The following ARHGEF3 variants were observed in gnomAD, a reference collection of about 807,000 sequenced individuals.
ARHGEF3 encodes Rho guanine nucleotide exchange factor 3.
Under a neutral mutation model 63.2 loss-of-function variants are expected in ARHGEF3, and 28 were observed. The ratio of observed to expected loss-of-function variants is 0.44; its 90% CI spans 0.33 to 0.61. The LOEUF is 0.61. ARHGEF3 is among the 20% of genes least tolerant of loss of function. The probability of loss-of-function intolerance (pLI) is 0.03; values close to 1 mark genes in which losing one functional copy is unlikely to be tolerated. For synonymous variants in ARHGEF3, 266 were observed against 254.2 expected, an observed-to-expected ratio of 1.05 and a Z score of -0.44; for missense variants, 533 against 659.3, an observed-to-expected ratio of 0.81 and a Z score of 2.10.
intron 2 of ARHGEF3, among the ~76,000 whole-genome samples, chr3:56,995,029 G>C (rs1015427903): frequency 3.3e-5 from 5 of 152,088 alleles, no homozygotes; most frequent in Non-Finnish European, 7.4e-5. Flanking sequence ...ATGATTCTAA[G>C]TTTCCTGAGG....
chr3:57,018,278 C>CAAAAAA (rs57400379), intron 2 of ARHGEF3, among the ~76,000 whole-genome samples: 1 of 111,622 alleles, frequency 9.0e-6, no homozygotes, highest in Non-Finnish European at 1.9e-5. Flanking sequence ...GGCTCTGTCA[C>CAAAAAA]AAAAAAAAAA....
Position 56,728,841 on chromosome 3 carries a change from C to T in ARHGEF3, c.*429G>A, listed in dbSNP as rs1291689237. On this transcript the variant is annotated 3_prime_UTR_variant, in exon 10 of 10. Coordinates refer to ENST00000296315, the MANE Select transcript of ARHGEF3 (RefSeq NM_019555.3). ...CATCCCAATACACAGATGAGTTCCTCATGCCCTATTTACAAGGCCGTCTAA... is the reference window on the plus strand; with the variant it reads ...CATCCCAATACACAGATGAGTTCCTTATGCCCTATTTACAAGGCCGTCTAA... The T allele has an allele frequency of 5.7e-6, 1 of 175,776 alleles. No homozygotes were observed. Among genetic ancestry groups the T allele is most frequent in the African/African-American group, 2.4e-5 (1 of 42,034 alleles). 10.9% of individuals were successfully genotyped at this position (175,776 alleles called of 1,614,324 possible).
intron 3 of ARHGEF3, among the ~76,000 whole-genome samples, chr3:56,923,066 ATATATATAT>A (rs2042189293): frequency 6.1e-5 from 2 of 33,032 alleles, no homozygotes; most frequent in Admixed American, 3.0e-4. Context: ...ATATATATAT[ATATATATAT>A]AAATTAGTTG....
At chr3:56,751,488 T>A in intron 4 of ARHGEF3, 92 bp from the exon 5 acceptor site, 1 of 1,019,830 alleles carries the variant, frequency 9.8e-7, no homozygotes. Context: ...TCCTATCCAA[T>A]AACAAAACTT....
At chr3:56,838,585 CAGTT>C (rs1027279594) in intron 4 of ARHGEF3, among the ~76,000 whole-genome samples, 21 of 152,160 alleles carry the variant, frequency 1.4e-4, no homozygotes, top group African/African-American at 5.1e-4. Flanking sequence ...ATCATCTTAA[CAGTT>C]AGCAGCTGCA....
intron 2 of ARHGEF3, among the ~76,000 whole-genome samples, chr3:56,980,658 G>A (rs1701292238): frequency 6.6e-6 from 1 of 152,212 alleles, no homozygotes; most frequent in Non-Finnish European, 1.5e-5. Flanking sequence ...TCTCCTATTA[G>A]CCCATTAGGA....
At chr3:56,898,060 TG>T in intron 3 of ARHGEF3, among the ~76,000 whole-genome samples, 1 of 151,716 alleles carries the variant, frequency 6.6e-6, no homozygotes, top group African/African-American at 2.4e-5. Context: ...TTGTATTTTT[TG>T]TAGAGACGGG....
intron 2 of ARHGEF3, among the ~76,000 whole-genome samples, chr3:57,021,151 A>C (rs1473391499): frequency 2.0e-5 from 3 of 152,104 alleles, no homozygotes; most frequent in Non-Finnish European, 2.9e-5. Flanking sequence ...AAACATAGAC[A>C]CCTGTGGTTC....
At chr3:56,968,073 ATAT>A (rs1700683660) in intron 2 of ARHGEF3, among the ~76,000 whole-genome samples, 1 of 62,772 alleles carries the variant, frequency 1.6e-5, no homozygotes, top group Non-Finnish European at 2.8e-5. Context: ...TATATATAAT[ATAT>A]TATATATTTA....
intron 2 of ARHGEF3, among the ~76,000 whole-genome samples, chr3:57,009,961 G>C (rs1702615816): frequency 6.6e-6 from 1 of 152,178 alleles, no homozygotes; most frequent in Non-Finnish European, 1.5e-5. Context: ...GGCACAGCAA[G>C]GCCATGAACT....
intron 3 of ARHGEF3, among the ~76,000 whole-genome samples, chr3:56,933,323 G>A (rs2042460816): frequency 6.6e-6 from 1 of 151,648 alleles, no homozygotes; most frequent in Admixed American, 6.6e-5. Flanking sequence ...AAGAGCAAAT[G>A]GTCCAGACTC....
chr3:56,933,923 T>G (rs2042479648), intron 3 of ARHGEF3, among the ~76,000 whole-genome samples: 1 of 152,098 alleles, frequency 6.6e-6, no homozygotes, highest in Admixed American at 6.5e-5. Context: ...AGTGAGTGAG[T>G]TCTCACAAGA....
chr3:56,818,625 G>A (rs1227635044), intron 4 of ARHGEF3, among the ~76,000 whole-genome samples: 3 of 152,260 alleles, frequency 2.0e-5, no homozygotes, highest in East Asian at 1.9e-4. Context: ...CACCCACCCT[G>A]CCATAAGCCA....
chr3:57,029,413 G>A (rs1461973382), intron 2 of ARHGEF3, among the ~76,000 whole-genome samples: 2 of 149,568 alleles, frequency 1.3e-5, no homozygotes, highest in Non-Finnish European at 3.0e-5. Flanking sequence ...TGGACAACAA[G>A]AGCGAAACTC....
chr3:56,761,868 A>C (rs1040180316), intron 2 of ARHGEF3, among the ~76,000 whole-genome samples: 1 of 152,154 alleles, frequency 6.6e-6, no homozygotes, highest in African/African-American at 2.4e-5. Context: ...ATATTTAACC[A>C]ATATCCTACC....
intron 2 of ARHGEF3, among the ~76,000 whole-genome samples, chr3:57,000,705 G>A (rs56148802): frequency 6.6e-6 from 1 of 151,902 alleles, no homozygotes; most frequent in Non-Finnish European, 1.5e-5. Context: ...GCAAATTTTT[G>A]TATTTTTAGT....
At chr3:56,947,330 G>A (rs1444979789) in intron 3 of ARHGEF3, among the ~76,000 whole-genome samples, 2 of 152,128 alleles carry the variant, frequency 1.3e-5, no homozygotes, top group Non-Finnish European at 2.9e-5. Context: ...GACACAGACT[G>A]GCAAATTGGA....
intron 3 of ARHGEF3, among the ~76,000 whole-genome samples, chr3:56,944,812 CAA>C: frequency 6.6e-6 from 1 of 152,030 alleles, no homozygotes; most frequent in Non-Finnish European, 1.5e-5. Context: ...CTCCTGACCT[CAA>C]GTGATCCACC....
intron 4 of ARHGEF3, among the ~76,000 whole-genome samples, chr3:56,868,375 TC>T (rs1303417138): frequency 5.6e-5 from 8 of 142,710 alleles, no homozygotes; most frequent in South Asian, 2.2e-4. Flanking sequence ...TTTTTTTTTT[TC>T]GAGACAGAGT....
Sources: allele counts gnomAD v4.1 joint callset (sites outside exome capture counted in the v4.1 genomes callset), GRCh38; gene constraint gnomAD v4.1.1; transcripts MANE v1.5; gene names NCBI Gene and HGNC (gene_info 2026-07-23, HGNC 2026-07-21).